Variants in CNTRL observed in about 807,000 individuals in gnomAD.
The protein encoded by CNTRL is centriolin, also known as 110 kDa centrosomal protein.
Under a neutral mutation model 303.7 loss-of-function variants are expected in CNTRL, and 233 were observed. The observed-to-expected ratio is 0.77, with a 90% CI of 0.69 to 0.86. The LOEUF is 0.86. Among genes scored for constraint, CNTRL ranks in the 40% least tolerant of loss-of-function variants. The pLI, the probability that CNTRL is intolerant of heterozygous loss-of-function variation, is 0.00. For missense variants in CNTRL, 2,524 were observed against 2,650.6 expected, an observed-to-expected ratio of 0.95 and a Z score of 1.05; for synonymous variants, 900 against 922.2, an observed-to-expected ratio of 0.98 and a Z score of 0.44.
chr9:121,166,142 C>T lies in CNTRL; in HGVS notation c.5617C>T (p.Leu1873=), dbSNP rs745685001. The T allele has an allele frequency of 7.4e-6, 12 of 1,611,890 alleles. No homozygotes were observed. The highest frequency in any genetic ancestry group is 1.7e-5 in the Admixed American group (1 of 59,284). Residue 1873 remains leucine, a synonymous_variant, in exon 36 of 44, where the codon CTA becomes TTA. Transcript: ENST00000373855. ...AGCAGTAAACTCACTGCAGGAGGAA[C>T]TAGCTAATGTCCAAGACCATTTGAA... The part of the protein sequence containing the change: ...REAVNSLQEE[L]ANVQDHLNLA...
At chr9:121,139,016 AG>A (rs1209034153) in intron 16 of CNTRL, among the ~76,000 whole-genome samples, 2 of 152,198 alleles carry the variant, frequency 1.3e-5, no homozygotes, top group African/African-American at 4.8e-5. Context: ...TAAAAGGATC[AG>A]ATTGGTGCAT....
rs762515435 is a variant in CNTRL at position 121,148,795 on chromosome 9, C to G, written c.3583C>G (p.Pro1195Ala). The G allele has an allele frequency of 1.4e-5, 22 of 1,613,922 alleles. No homozygotes were observed. In the African/African-American group the frequency reaches 2.9e-4, roughly 22 times the overall value. The change falls in exon 24 of 44, where the codon CCT becomes GCT. Residue 1195 changes from proline to alanine, a missense_variant. By Grantham distance (27) the Pro-to-Ala change is conservative (BLOSUM62 -1). Transcript: ENST00000373855. ...TGGGAAGGAAGGCAGTCAACCTCCC[C>G]CTGCCTCAGGATACTGGGTTTATTC... ...QDGKEGSQPP[P>A]ASGYWVYSPI...
Position 121,090,419 on chromosome 9 carries a change from A to C in CNTRL, c.348+14A>C, listed in dbSNP as rs1007507571. 1 of 1,606,512 alleles carries C rather than the reference A, an allele frequency of 6.2e-7. No individual in the cohort carries two copies. ...AAGAAATTTAAGGTAGGTTACCAACAATTTCTGAGCATAGATACTGTTTTT... is the reference window on the plus strand; with the variant it reads ...AAGAAATTTAAGGTAGGTTACCAACCATTTCTGAGCATAGATACTGTTTTT... On this transcript the variant is annotated intron_variant, in intron 4 of 43. Coordinates refer to ENST00000373855, the MANE Select transcript of CNTRL (RefSeq NM_007018.6).
chr9:121,095,181 G>T (rs1283666448), intron 5 of CNTRL, among the ~76,000 whole-genome samples, 163 bp downstream of exon 5: 2 of 152,058 alleles, frequency 1.3e-5, no homozygotes, highest in Non-Finnish European at 2.9e-5. Context: ...CATATGGTAG[G>T]TAACTGTCTT....
intron 35 of CNTRL, among the ~76,000 whole-genome samples, chr9:121,165,564 T>A (rs2053055860): frequency 6.6e-6 from 1 of 152,222 alleles, no homozygotes; most frequent in South Asian, 2.1e-4. Flanking sequence ...TGAGTAATTC[T>A]AGCTAATAAT....
rs1267464557 is a variant in CNTRL at position 121,107,834 on chromosome 9, A to G, written c.841A>G (p.Lys281Glu). Residue 281 changes from lysine (K) to glutamate (E), a missense_variant, in exon 8 of 44, where the codon AAA becomes GAA. Coordinates refer to ENST00000373855, the MANE Select transcript of CNTRL (RefSeq NM_007018.6). ...AGAAAGACTGGAAAGAGACCTAGAA[A>G]AAAAGATGATAGAAACTGAAGAGCT... ...EVERLERDLE[K>E]KMIETEELKS... The G allele has an allele frequency of 1.9e-6, 3 of 1,590,716 alleles. No individual in the cohort carries two copies. Among genetic ancestry groups the G allele is most frequent in the Non-Finnish European group, 2.6e-6 (3 of 1,173,986 alleles).
intron 2 of CNTRL, among the ~76,000 whole-genome samples, chr9:121,084,557 T>TTC (rs1428567962): frequency 6.6e-6 from 1 of 151,566 alleles, no homozygotes; most frequent in Non-Finnish European, 1.5e-5. Flanking sequence ...TTTTTTTTTT[T>TTC]TTTGTGAGAT....
At chr9:121,150,836 CAAAT>C (rs1564279053) in intron 25 of CNTRL, among the ~76,000 whole-genome samples, 43 of 152,296 alleles carry the variant, frequency 2.8e-4, no homozygotes, top group Non-Finnish European at 5.0e-4. Context: ...CATTTAATAA[CAAAT>C]GTTTTCAGTC....
At chr9:121,109,224 AAAT>A (rs1382077904) in intron 8 of CNTRL, among the ~76,000 whole-genome samples, 18 of 152,318 alleles carry the variant, frequency 1.2e-4, no homozygotes, top group African/African-American at 4.3e-4. Context: ...ATTGTTTAGG[AAAT>A]AATAATTAAG....
intron 6 of CNTRL, among the ~76,000 whole-genome samples, chr9:121,097,396 G>A (rs2048935273): frequency 6.6e-6 from 1 of 152,082 alleles, no homozygotes; most frequent in Non-Finnish European, 1.5e-5. Flanking sequence ...CTCCTTTACA[G>A]GGGTATTATG....
rs546169395 is a variant in CNTRL at position 121,087,396 on chromosome 9, A to G, written c.-31-900A>G. On this transcript the variant is annotated intron_variant, in intron 2 of 43. Transcript: ENST00000373855. ...CTCAGAGAAAGATTGGATTGAGGTT[A>G]TAAATATCGGCTGGGCATGATGGCT... Among the ~76,000 whole-genome samples the G allele has an allele frequency of 8.4e-4, 128 of 152,214 alleles. 1 individual carries two copies. In the South Asian group the frequency reaches 0.026, roughly 31 times the overall value.
intron 14 of CNTRL, among the ~76,000 whole-genome samples, chr9:121,131,062 A>G (rs747633831): frequency 2.6e-5 from 4 of 152,202 alleles, no homozygotes; most frequent in African/African-American, 7.2e-5. Context: ...TATGTGGTCA[A>G]TTTTGGAATA....
chr9:121,143,641 C>T (rs977170674), intron 19 of CNTRL, among the ~76,000 whole-genome samples: 2 of 152,140 alleles, frequency 1.3e-5, no homozygotes, highest in Non-Finnish European at 2.9e-5. Context: ...TCATCCATGC[C>T]GTGGTGGTAG....
chr9:121,145,733 A>G (rs2051808841), intron 22 of CNTRL, among the ~76,000 whole-genome samples: 1 of 151,832 alleles, frequency 6.6e-6, no homozygotes, highest in Non-Finnish European at 1.5e-5. Flanking sequence ...TGTCTCTACT[A>G]AAAAATACAA....
chr9:121,113,678 A>T lies in CNTRL; in HGVS notation c.1299A>T (p.Thr433=), dbSNP rs757815527. The change falls in exon 10 of 44, where the codon ACA becomes ACT. Residue 433 remains threonine, a synonymous_variant. Transcript: ENST00000373855. Reference sequence around the variant, plus strand: ...ATCACATGAACTTGAGAGGCCACACACCACTGGACACGCAACTGGAAGACA... The same window carrying T: ...ATCACATGAACTTGAGAGGCCACACTCCACTGGACACGCAACTGGAAGACA... ...RNDHMNLRGH[T]PLDTQLEDKE... is the part of the protein sequence containing the mutation. 1 of 1,575,470 alleles carries T rather than the reference A, an allele frequency of 6.3e-7. No homozygotes were observed. The highest frequency in any genetic ancestry group is 1.2e-5 in the South Asian group (1 of 82,650).
At chr9:121,102,546 A>G (rs536127920) in intron 7 of CNTRL, among the ~76,000 whole-genome samples, 105 of 152,352 alleles carry the variant, frequency 6.9e-4, no homozygotes, top group Non-Finnish European at 1.2e-3. Flanking sequence ...AATTCTGGCC[A>G]GGGCAATCAG....
At chr9:121,174,198 A>G (rs1171245078) in intron 42 of CNTRL, among the ~76,000 whole-genome samples, 2 of 152,170 alleles carry the variant, frequency 1.3e-5, no homozygotes, top group Admixed American at 6.5e-5. Flanking sequence ...GCAGCCAAAA[A>G]TAGGAGTCTA....
intron 30 of CNTRL, 144 bp from the exon 31 acceptor site, chr9:121,158,711 C>A: frequency 1.4e-6 from 1 of 739,232 alleles, no homozygotes; most frequent in Non-Finnish European, 2.3e-6. Flanking sequence ...GCATTTCACC[C>A]TTGCACTCCT....
chr9:121,116,115 A>G (rs911081406), intron 11 of CNTRL, among the ~76,000 whole-genome samples: 3 of 152,166 alleles, frequency 2.0e-5, no homozygotes, highest in African/African-American at 7.2e-5. Context: ...AAAAATAGAA[A>G]ACTAGGGGAG....
Sources: allele counts gnomAD v4.1 joint callset (sites outside exome capture counted in the v4.1 genomes callset), GRCh38; gene constraint gnomAD v4.1.1; transcripts MANE v1.5; gene names NCBI Gene and HGNC (gene_info 2026-07-23, HGNC 2026-07-21).